The following ESF1 variants were observed in gnomAD, a reference collection of about 807,000 sequenced individuals.
ESF1 encodes the protein ESF1 homolog.
ESF1 carries 58 observed loss-of-function variants against 92.0 expected under a neutral mutation model. The ratio of observed to expected loss-of-function variants is 0.63; its 90% CI spans 0.51 to 0.78. The LOEUF is 0.78. ESF1 is among the 30% of genes least tolerant of loss of function. The pLI is 0.00. For missense variants in ESF1, 922 were observed against 989.1 expected, an observed-to-expected ratio of 0.93 and a Z score of 0.91; for synonymous variants, 321 against 313.7, an observed-to-expected ratio of 1.02 and a Z score of -0.24.
At chr20:13,767,693 A>G (rs1190164122) in intron 7 of ESF1, among the ~76,000 whole-genome samples, 1 of 152,242 alleles carries the variant, frequency 6.6e-6, no homozygotes, top group East Asian at 1.9e-4. Flanking sequence ...ACTGATGAGA[A>G]AAGCATCTAT....
intron 9 of ESF1, among the ~76,000 whole-genome samples, chr20:13,748,588 ATATATT>A (rs1402469470): frequency 0.026 from 1,608 of 61,508 alleles, 56 homozygotes; most frequent in African/African-American, 0.078. Flanking sequence ...ATATATATAT[ATATATT>A]TTTTTTTTTT....
At chr20:13,777,701 C>T (rs759860647) in intron 2 of ESF1, among the ~76,000 whole-genome samples, 39 of 152,216 alleles carry the variant, frequency 2.6e-4, no homozygotes, top group Non-Finnish European at 4.3e-4. Context: ...GTCCTCACAA[C>T]TCTGAAAGGG....
intron 11 of ESF1, among the ~76,000 whole-genome samples, chr20:13,725,575 C>T (rs1180878211): frequency 6.6e-6 from 1 of 152,184 alleles, no homozygotes; most frequent in East Asian, 1.9e-4. Flanking sequence ...TACTGTTCCT[C>T]CTATTTCCCA....
chr20:13,748,710 C>T (rs1170752756), intron 9 of ESF1, among the ~76,000 whole-genome samples: 4 of 149,760 alleles, frequency 2.7e-5, no homozygotes, highest in African/African-American at 9.8e-5. Context: ...CCTCAGCCTC[C>T]TGAGTAGCTG....
intron 11 of ESF1, among the ~76,000 whole-genome samples, chr20:13,725,223 A>G (rs896589778): frequency 7.9e-5 from 12 of 152,190 alleles, no homozygotes; most frequent in Admixed American, 7.2e-4. Flanking sequence ...TAAACCAATC[A>G]GGTAAATCCC....
chr20:13,730,703 ATTTTTTTT>A lies in ESF1; in HGVS notation c.1951-2246_1951-2239del, dbSNP rs750007187. 4.2e-5 allele frequency among the ~76,000 whole-genome samples: 6 copies of A among 143,552 alleles called. No homozygotes were observed. The Admixed American group carries it at 4.2e-4, about 10-fold the overall frequency. 94.2% of individuals were successfully genotyped at this position (143,552 alleles called of 152,430 possible). ...CCAGCCAGAACAAGCGCTTCTAAGA[ATTTTTTTT>A]TTTTTTTACCAAACTATTTTATGGA... On this transcript the variant is annotated intron_variant, in intron 10 of 13. Transcript: ENST00000617257.
intron 11 of ESF1, among the ~76,000 whole-genome samples, chr20:13,724,791 G>A (rs964638101): frequency 6.6e-6 from 1 of 152,124 alleles, no homozygotes; most frequent in Non-Finnish European, 1.5e-5. Context: ...TGGGAGGACT[G>A]GGTGATTCTG....
intron 9 of ESF1, among the ~76,000 whole-genome samples, chr20:13,759,027 C>A (rs1181862178): frequency 6.6e-6 from 1 of 152,142 alleles, no homozygotes; most frequent in Non-Finnish European, 1.5e-5. Context: ...AGAATAATTA[C>A]ACTGTAATAA....
At chr20:13,749,111 G>T (rs974524735) in intron 9 of ESF1, among the ~76,000 whole-genome samples, 9 of 151,770 alleles carry the variant, frequency 5.9e-5, no homozygotes, top group African/African-American at 2.2e-4. Flanking sequence ...TGTTGCCCAG[G>T]TTGGAGTGCA....
intron 9 of ESF1, among the ~76,000 whole-genome samples, 156 bp from the exon 10 acceptor site, chr20:13,733,998 C>G (rs528423428): frequency 6.6e-6 from 1 of 152,256 alleles, no homozygotes; most frequent in South Asian, 2.1e-4. Context: ...CAATATCATA[C>G]AGTGACATAG....
Position 13,717,595 on chromosome 20 carries a change from T to C in ESF1, c.2116-81A>G. The C allele has an allele frequency of 2.7e-6, 4 of 1,496,318 alleles. No homozygotes were observed. The South Asian group carries it at 3.7e-5, about 14-fold the overall frequency. 92.7% of individuals were successfully genotyped at this position (1,496,318 alleles called of 1,614,324 possible). On this transcript the variant is annotated intron_variant, in intron 12 of 13. Coordinates refer to ENST00000617257, the MANE Select transcript of ESF1 (RefSeq NM_001276380.2). ...AAAAAGGAGTATAGGGCAGAAGATA[T>C]CTCTTCTAGAAAGGAAGACTCAATC...
chr20:13,781,047 G>A (rs1376579815), intron 2 of ESF1, among the ~76,000 whole-genome samples: 2 of 152,228 alleles, frequency 1.3e-5, no homozygotes, highest in East Asian at 1.9e-4. Context: ...AAAGTAGTGC[G>A]TCCCCTATGA....
In ESF1 at chr20:13,723,078, T is replaced by C. The variant is rs369439851; in HGVS notation, c.2039-4094A>G. ...AGATAGTGTGTAAAAATAAAATTCATCTGTAAAGGAAATTTCATTTCCCAT... is the reference window on the plus strand; with the variant it reads ...AGATAGTGTGTAAAAATAAAATTCACCTGTAAAGGAAATTTCATTTCCCAT... On this transcript the variant is annotated intron_variant, in intron 11 of 13. Transcript: ENST00000617257. Among the ~76,000 whole-genome samples, 96 of 152,298 alleles carry C rather than the reference T, an allele frequency of 6.3e-4. 1 individual carries two copies. Among genetic ancestry groups the C allele is most frequent in the African/African-American group, 2.2e-3 (90 of 41,570 alleles).
rs758741323 is a variant in ESF1, at chr20:13,717,956, C to CT, written c.2116-443dup. ...TTTTAACAAGTAAGTTTTTTTTTTG[C>CT]TTTTTTTTTTTTGGCCTTTACTGTT... On this transcript the variant is annotated intron_variant, in intron 12 of 13. Coordinates refer to ENST00000617257, the MANE Select transcript of ESF1 (RefSeq NM_001276380.2). 4.1e-3 allele frequency among the ~76,000 whole-genome samples: 558 copies of CT among 134,566 alleles called. 2 individuals are homozygous for CT. The highest frequency in any genetic ancestry group is 6.0e-3 in the Non-Finnish European group (368 of 61,754). 88.3% of individuals were successfully genotyped at this position (134,566 alleles called of 152,430 possible). A position where few individuals can be genotyped will look rare whatever the true frequency, so the allele number is the denominator to read the frequency against.
intron 9 of ESF1, among the ~76,000 whole-genome samples, chr20:13,741,288 A>C (rs1263925647): frequency 6.6e-6 from 1 of 152,178 alleles, no homozygotes; most frequent in Non-Finnish European, 1.5e-5. Flanking sequence ...CTCTCCACCA[A>C]GGATACCACA....
chr20:13,721,741 G>GGCTT (rs1568708349), intron 11 of ESF1, among the ~76,000 whole-genome samples: 1 of 152,212 alleles, frequency 6.6e-6, no homozygotes, highest in East Asian at 1.9e-4. Flanking sequence ...AGTGCTGCCA[G>GGCTT]GCTTGCCTAT....
At chr20:13,720,573 C>G (rs1468410505) in intron 11 of ESF1, among the ~76,000 whole-genome samples, 2 of 152,108 alleles carry the variant, frequency 1.3e-5, no homozygotes, top group Non-Finnish European at 2.9e-5. Context: ...GATCACTAGC[C>G]TGGGTTCTTG....
At chr20:13,771,113 T>C (rs1979662105) in intron 6 of ESF1, among the ~76,000 whole-genome samples, 1 of 152,226 alleles carries the variant, frequency 6.6e-6, no homozygotes, top group South Asian at 2.1e-4. Flanking sequence ...CCAATATGTC[T>C]GAAAGGACAA....
rs202029740 is a variant in ESF1, at chr20:13,761,413, T to TA, written c.1667-1561dup. ...TAAATAAAATAAAAATACAAAAAAT[T>TA]AAAAAAAAAAAAAAAGAAGATGGCA... On this transcript the variant is annotated intron_variant, in intron 8 of 13. Transcript: ENST00000617257. Among the ~76,000 whole-genome samples, 188 of 139,704 alleles carry TA rather than the reference T, an allele frequency of 1.3e-3. 1 individual carries two copies. Among genetic ancestry groups the TA allele is most frequent in the South Asian group, 8.3e-3 (36 of 4,324 alleles). 91.7% of individuals were successfully genotyped at this position (139,704 alleles called of 152,430 possible).
Sources: gnomAD v4.1 joint callset for allele counts (sites outside exome capture counted in the v4.1 genomes callset) on GRCh38, gnomAD v4.1.1 for gene constraint, MANE v1.5 for transcripts, NCBI Gene and HGNC (gene_info 2026-07-23, HGNC 2026-07-21) for gene names.